HDAC9: variants seen among roughly 807,000 people sequenced by gnomAD.
The protein encoded by HDAC9 is histone deacetylase 9, also known as MEF-2 interacting transcription repressor (MITR) protein.
A neutral mutation model predicts 139.4 loss-of-function variants in HDAC9; 41 were observed. The observed-to-expected ratio is 0.29, with a 90% CI of 0.23 to 0.38. The LOEUF is 0.38. HDAC9 is among the 10% of genes least tolerant of loss of function. The pLI, the probability that HDAC9 is intolerant of heterozygous loss-of-function variation, is 1.00. For synonymous variants in HDAC9, 517 were observed against 476.2 expected, an observed-to-expected ratio of 1.09 and a Z score of -1.12; for missense variants, 1,147 against 1,297.0, an observed-to-expected ratio of 0.88 and a Z score of 1.78.
At chr7:18,800,834 AAAT>A (rs372030656) in intron 17 of HDAC9, among the ~76,000 whole-genome samples, 306 of 151,504 alleles carry the variant, frequency 2.0e-3, no homozygotes, top group African/African-American at 6.8e-3. Context: ...CCTTGTTTCA[AAAT>A]AATAATAATA....
chr7:18,406,942 T>A (rs576136239), intron 1 of HDAC9, among the ~76,000 whole-genome samples: 4 of 152,268 alleles, frequency 2.6e-5, no homozygotes, highest in African/African-American at 9.6e-5. Context: ...CAGATATATC[T>A]TCTTAGATAA....
At chr7:18,916,949 C>T (rs867130018) in intron 22 of HDAC9, among the ~76,000 whole-genome samples, 13 of 152,042 alleles carry the variant, frequency 8.6e-5, no homozygotes, top group South Asian at 6.2e-4. Flanking sequence ...TGTTTATTTC[C>T]GGAACCTAAG....
intron 22 of HDAC9, among the ~76,000 whole-genome samples, chr7:18,883,490 C>A (rs1799886573): frequency 6.6e-6 from 1 of 151,968 alleles, no homozygotes. Context: ...ATTCAATGTC[C>A]TTTTATAATA....
chr7:18,292,104 AT>A (rs939958062), intron 1 of HDAC9, among the ~76,000 whole-genome samples: 19 of 151,854 alleles, frequency 1.3e-4, no homozygotes, highest in African/African-American at 2.7e-4. Flanking sequence ...TCCCTAAGCT[AT>A]TTTTTTTCTA....
chr7:18,894,018 T>C (rs1800940839), intron 22 of HDAC9, among the ~76,000 whole-genome samples: 1 of 152,090 alleles, frequency 6.6e-6, no homozygotes, highest in Non-Finnish European at 1.5e-5. Flanking sequence ...AAAGTAGTCA[T>C]AGTTTGATTT....
intron 6 of HDAC9, among the ~76,000 whole-genome samples, chr7:18,597,575 A>G (rs1318722674): frequency 1.3e-5 from 2 of 152,172 alleles, no homozygotes; most frequent in Non-Finnish European, 2.9e-5. Flanking sequence ...CATGTTTCTC[A>G]CAGAGATTCT....
At chr7:18,671,524 C>G (rs775723024) in intron 12 of HDAC9, among the ~76,000 whole-genome samples, 3 of 151,998 alleles carry the variant, frequency 2.0e-5, no homozygotes, top group Non-Finnish European at 4.4e-5. Context: ...AATATCTTGT[C>G]TCCTATTTTT....
In HDAC9 at chr7:18,937,352, A is replaced by G. The variant is rs182301508; in HGVS notation, c.2937+1410A>G. Among the ~76,000 whole-genome samples, 23 of 152,198 alleles carry G rather than the reference A, an allele frequency of 1.5e-4. No homozygotes were observed. The East Asian group carries it at 4.4e-3, about 29-fold the overall frequency. ...CGTGCCTGGCTGTCTTGTTAATTTT[A>G]GACAGCACAGTAACTCAAAGGATGT... On this transcript the variant is annotated intron_variant, in intron 23 of 25. Coordinates refer to ENST00000686413, the MANE Select transcript of HDAC9 (RefSeq NM_178425.4).
At chr7:18,272,940 ACTAC>A in intron 2 of HDAC9, among the ~76,000 whole-genome samples, 1 of 149,414 alleles carries the variant, frequency 6.7e-6, no homozygotes, top group African/African-American at 2.5e-5. Context: ...TACTACTACT[ACTAC>A]TACTACTACT....
At chr7:18,206,826 G>T (rs1396932815) in intron 2 of HDAC9, among the ~76,000 whole-genome samples, 1 of 152,092 alleles carries the variant, frequency 6.6e-6, no homozygotes, top group Non-Finnish European at 1.5e-5. Context: ...TAGTTTAAGT[G>T]TAGGAAGAGG....
chr7:18,589,499 A>C (rs1236809338), intron 3 of HDAC9, among the ~76,000 whole-genome samples: 2 of 152,194 alleles, frequency 1.3e-5, no homozygotes, highest in East Asian at 3.9e-4. Flanking sequence ...GTGCCACTGC[A>C]ATCCAGCCTG....
At chr7:18,584,873 T>A (rs1227198711) in intron 2 of HDAC9, among the ~76,000 whole-genome samples, 2 of 152,248 alleles carry the variant, frequency 1.3e-5, no homozygotes, top group African/African-American at 4.8e-5. Flanking sequence ...TTCTTAAGTG[T>A]ACAAATGTAG....
Position 18,856,711 on chromosome 7 carries a change from A to G in HDAC9, c.2685-17767A>G, listed in dbSNP as rs559534571. ...GGAAGAAAAACATTTGTGTGCATTT[A>G]TCTTTGGAAATAGCACAACTTATTT... On this transcript the variant is annotated intron_variant, in intron 21 of 25. Coordinates refer to ENST00000686413, the MANE Select transcript of HDAC9 (RefSeq NM_178425.4). Among the ~76,000 whole-genome samples the G allele has an allele frequency of 2.0e-5, 3 of 152,284 alleles. No individual in the cohort carries two copies. In the South Asian group the frequency reaches 6.2e-4, roughly 32 times the overall value.
chr7:18,730,055 C>T (rs1445300376), intron 13 of HDAC9, among the ~76,000 whole-genome samples: 2 of 152,168 alleles, frequency 1.3e-5, no homozygotes, highest in African/African-American at 4.8e-5. Flanking sequence ...AAGAATGTTG[C>T]ATCTTTACAC....
At chr7:18,655,403 A>G (rs1257329886) in intron 11 of HDAC9, among the ~76,000 whole-genome samples, 1 of 152,154 alleles carries the variant, frequency 6.6e-6, no homozygotes, top group East Asian at 1.9e-4. Flanking sequence ...AGAAACTTTG[A>G]CGTTACCCTT....
intron 23 of HDAC9, among the ~76,000 whole-genome samples, chr7:18,937,784 G>A (rs879835774): frequency 2.0e-5 from 3 of 152,162 alleles, no homozygotes; most frequent in Non-Finnish European, 4.4e-5. Context: ...AGAAAGAAAT[G>A]TTACCTGATT....
At chr7:18,617,165 A>G (rs1278207247) in intron 6 of HDAC9, among the ~76,000 whole-genome samples, 1 of 152,028 alleles carries the variant, frequency 6.6e-6, no homozygotes, top group Non-Finnish European at 1.5e-5. Context: ...CCTCCATTCC[A>G]GTTATTAACC....
intron 12 of HDAC9, among the ~76,000 whole-genome samples, chr7:18,716,483 G>A (rs962391915): frequency 6.6e-6 from 1 of 151,826 alleles, no homozygotes; most frequent in East Asian, 1.9e-4. Context: ...ATTTAAAGTG[G>A]TCATTTTCCA....
chr7:18,327,271 A>T (rs1220177046), intron 1 of HDAC9, among the ~76,000 whole-genome samples: 1 of 151,902 alleles, frequency 6.6e-6, no homozygotes, highest in Non-Finnish European at 1.5e-5. Flanking sequence ...ACTATAGATT[A>T]TATTTAATCT....
Sources: allele counts gnomAD v4.1 joint callset (sites outside exome capture counted in the v4.1 genomes callset), GRCh38; gene constraint gnomAD v4.1.1; transcripts MANE v1.5; gene names NCBI Gene and HGNC (gene_info 2026-07-23, HGNC 2026-07-21).